Variants in UST observed in about 807,000 individuals in gnomAD.
UST encodes uronyl 2-sulfotransferase, also known as chondroitin sulfate 2-O-sulfotransferase.
In UST, 21 loss-of-function variants were observed where a neutral mutation model predicts 45.6. The observed-to-expected ratio is 0.46, with a 90% CI of 0.33 to 0.66. The LOEUF is 0.66. UST is among the 30% of genes least tolerant of loss of function. UST has a pLI of 0.02. For synonymous variants in UST, 215 were observed against 200.6 expected, an observed-to-expected ratio of 1.07 and a Z score of -0.61; for missense variants, 463 against 512.4, an observed-to-expected ratio of 0.90 and a Z score of 0.93.
intron 1 of UST, among the ~76,000 whole-genome samples, chr6:148,870,688 C>T (rs1247285984): frequency 1.3e-5 from 2 of 152,152 alleles, no homozygotes; most frequent in African/African-American, 2.4e-5. Flanking sequence ...GCATTTACTC[C>T]GGTCTTCTCT....
At chr6:148,919,821 G>T (rs1779667033) in intron 2 of UST, among the ~76,000 whole-genome samples, 1 of 152,170 alleles carries the variant, frequency 6.6e-6, no homozygotes, top group Non-Finnish European at 1.5e-5. Context: ...GTGTTGCCAG[G>T]TGGCTTCTGA....
intron 2 of UST, among the ~76,000 whole-genome samples, chr6:148,889,960 A>G (rs1272216396): frequency 6.6e-6 from 1 of 151,764 alleles, no homozygotes; most frequent in Non-Finnish European, 1.5e-5. Context: ...AAAAATGATC[A>G]GGTTATAGCA....
intron 5 of UST, chr6:148,992,880 G>A: frequency 2.2e-6 from 1 of 465,084 alleles, no homozygotes; most frequent in Non-Finnish European, 2.8e-6. Flanking sequence ...TAGCAGTCTA[G>A]TGAAGTCTAC....
At chr6:148,824,477 A>G (rs1291038968) in intron 1 of UST, among the ~76,000 whole-genome samples, 1 of 152,160 alleles carries the variant, frequency 6.6e-6, no homozygotes, top group South Asian at 2.1e-4. Flanking sequence ...ACTTGCTGCT[A>G]TTGGAGAGCT....
intron 1 of UST, among the ~76,000 whole-genome samples, chr6:148,770,809 G>A (rs980904650): frequency 6.6e-6 from 1 of 152,174 alleles, no homozygotes; most frequent in African/African-American, 2.4e-5. Flanking sequence ...TGGTGCAGCG[G>A]GCAGAGGGAG....
chr6:148,821,574 T>C (rs1205668227), intron 1 of UST, among the ~76,000 whole-genome samples: 1 of 152,232 alleles, frequency 6.6e-6, no homozygotes, highest in East Asian at 1.9e-4. Context: ...AGTTAATAAA[T>C]ATTTTATAAG....
intron 5 of UST, among the ~76,000 whole-genome samples, chr6:149,010,913 A>AACAAAAAAAAC (rs1554234081): frequency 6.5e-5 from 6 of 92,968 alleles, no homozygotes; most frequent in Non-Finnish European, 1.0e-4. Context: ...AAAAAAAAAA[A>AACAAAAAAAAC]AAAAAACTGT....
intron 1 of UST, among the ~76,000 whole-genome samples, chr6:148,886,645 C>T (rs1439866368): frequency 6.6e-6 from 1 of 152,074 alleles, no homozygotes; most frequent in Non-Finnish European, 1.5e-5. Flanking sequence ...ACAAGCCCTG[C>T]GGGTAATTCT....
chr6:148,967,159 T>C (rs1780820612), intron 5 of UST, among the ~76,000 whole-genome samples: 1 of 152,168 alleles, frequency 6.6e-6, no homozygotes, highest in South Asian at 2.1e-4. Context: ...GTAGAGAGAT[T>C]TCCCTGCCTG....
intron 1 of UST, among the ~76,000 whole-genome samples, chr6:148,877,913 CGGAGATTGTGTATGAGTGG>C (rs2114828722): frequency 2.9e-5 from 1 of 34,438 alleles, no homozygotes. Context: ...TGTACGAGTG[CGGAGATTGTGTATGAGTGG>C]GGGGGTCGTG....
chr6:149,061,151 C>A (rs947376684), intron 7 of UST, among the ~76,000 whole-genome samples: 1 of 151,912 alleles, frequency 6.6e-6, no homozygotes, highest in African/African-American at 2.4e-5. Flanking sequence ...TAAAGCGAGG[C>A]CTCTGTCCTC....
Position 148,747,666 on chromosome 6 carries a change from G to T in UST, c.236G>T (p.Arg79Leu). ...GGPPRFLLDL[R>L]QYLGNSTYLD... ...CCCCCTCGCTTCCTGCTCGACCTGC[G>T]GCAGTACTTGGGTAAGGAAGCTGGG... The change falls in exon 1 of 8, where the codon CGG becomes CTG. Residue 79 changes from arginine to leucine, a missense_variant. Physicochemically the swap from Arg to Leu is moderately radical, Grantham distance 102 (BLOSUM62 -2). Transcript: ENST00000367463. The T allele has an allele frequency of 6.2e-7, 1 of 1,600,770 alleles. No homozygotes were observed.
chr6:148,795,831 G>T lies in UST; in HGVS notation c.247+48154G>T, dbSNP rs193037793. Among the ~76,000 whole-genome samples, 8 of 152,210 alleles carry T rather than the reference G, an allele frequency of 5.3e-5. No individual in the cohort carries two copies. In the East Asian group the frequency reaches 1.5e-3, roughly 29 times the overall value. The stretch of plus-strand genomic sequence containing the variant: ...GTAATAATATTGACTCATTTATTTT[G>T]CCGATTCATTACGGGCTGGTTAAAG... On this transcript the variant is annotated intron_variant, in intron 1 of 7. Coordinates refer to ENST00000367463, the MANE Select transcript of UST (RefSeq NM_005715.3).
At chr6:148,818,002 C>G (rs888824348) in intron 1 of UST, among the ~76,000 whole-genome samples, 2 of 152,222 alleles carry the variant, frequency 1.3e-5, no homozygotes, top group African/African-American at 4.8e-5. Flanking sequence ...TATTTACTAT[C>G]TGACCCTTTA....
chr6:149,024,106 T>G (rs993625818), intron 7 of UST, among the ~76,000 whole-genome samples: 6 of 152,248 alleles, frequency 3.9e-5, no homozygotes, highest in African/African-American at 1.4e-4. Context: ...CCAGTCCACG[T>G]GGTCCAGCTG....
intron 1 of UST, among the ~76,000 whole-genome samples, chr6:148,793,599 A>G (rs1004282947): frequency 9.9e-5 from 15 of 152,160 alleles, no homozygotes; most frequent in South Asian, 8.3e-4. Flanking sequence ...CACCAGCATC[A>G]CCACCAACAG....
intron 5 of UST, among the ~76,000 whole-genome samples, chr6:149,007,146 G>T (rs1249264365): frequency 8.3e-6 from 1 of 120,456 alleles, no homozygotes; most frequent in Non-Finnish European, 1.6e-5. Flanking sequence ...TTGAGATGGA[G>T]TCTCACTCTG....
At chr6:148,781,673 A>G (rs749504365) in intron 1 of UST, among the ~76,000 whole-genome samples, 3 of 152,334 alleles carry the variant, frequency 2.0e-5, no homozygotes, top group South Asian at 2.1e-4. Context: ...CTCTAGTTAC[A>G]GAGGAGAACC....
intron 7 of UST, among the ~76,000 whole-genome samples, chr6:149,067,112 T>C (rs1206530326): frequency 2.0e-5 from 3 of 152,102 alleles, no homozygotes; most frequent in African/African-American, 7.2e-5. Flanking sequence ...GCTCAGACAA[T>C]GGAAGGTAAA....
Sources: allele counts gnomAD v4.1 joint callset (sites outside exome capture counted in the v4.1 genomes callset), GRCh38; gene constraint gnomAD v4.1.1; transcripts MANE v1.5; gene names NCBI Gene and HGNC (gene_info 2026-07-23, HGNC 2026-07-21).